Variants in ERC2 observed in about 807,000 individuals in gnomAD.
ERC2 encodes ELKS/RAB6-interacting/CAST family member 2.
In ERC2, 42 loss-of-function variants were observed where a neutral mutation model predicts 114.8. The ratio of observed to expected loss-of-function variants is 0.37; its 90% confidence interval spans 0.29 to 0.47. ERC2 has a LOEUF of 0.47. ERC2 is among the 20% of genes least tolerant of loss of function. The pLI is 0.99. For missense variants in ERC2, 939 were observed against 1,150.7 expected (o/e 0.82, Z 2.66); for synonymous variants, 454 against 425.5 (o/e 1.07, Z -0.82).
At chr3:55,975,993 G>A (rs551232888) in intron 12 of ERC2, among the ~76,000 whole-genome samples, 69 of 152,206 alleles carry the variant, frequency 4.5e-4, no homozygotes, top group Middle Eastern at 6.8e-3. Context: ...GTCACCCTGC[G>A]CCATGGGTAA....
At chr3:55,974,048 T>C (rs1220763959) in intron 12 of ERC2, among the ~76,000 whole-genome samples, 5 of 152,190 alleles carry the variant, frequency 3.3e-5, no homozygotes, top group Non-Finnish European at 7.3e-5. Flanking sequence ...CCACTCTCTC[T>C]AGCAGCCGGG....
intron 10 of ERC2, among the ~76,000 whole-genome samples, chr3:56,002,910 T>C (rs1366274282): frequency 2.0e-5 from 3 of 152,288 alleles, no homozygotes; most frequent in South Asian, 2.1e-4. Flanking sequence ...TCTTGAGTTA[T>C]TAATTTTTAA....
chr3:55,580,492 C>G (rs564712296), intron 17 of ERC2, among the ~76,000 whole-genome samples: 34 of 152,314 alleles, frequency 2.2e-4, no homozygotes, highest in Non-Finnish European at 4.0e-4. Flanking sequence ...CAAGTTGTTA[C>G]CAACTCCCAC....
intron 12 of ERC2, among the ~76,000 whole-genome samples, chr3:55,981,332 G>A (rs931625009): frequency 1.3e-5 from 2 of 152,192 alleles, no homozygotes; most frequent in Admixed American, 6.5e-5. Flanking sequence ...TTTAAAGAAG[G>A]ATATAATTTT....
At chr3:55,901,876 T>A (rs1185313642) in intron 13 of ERC2, among the ~76,000 whole-genome samples, 11 of 152,216 alleles carry the variant, frequency 7.2e-5, no homozygotes, top group Non-Finnish European at 1.5e-4. Flanking sequence ...GACTACACAC[T>A]AGGTGAAGCA....
chr3:55,852,145 G>A (rs1435429354), intron 14 of ERC2, among the ~76,000 whole-genome samples: 3 of 152,198 alleles, frequency 2.0e-5, no homozygotes, highest in Admixed American at 1.3e-4. Flanking sequence ...GCTTGTACCC[G>A]GGAGGCGGAG....
At chr3:55,552,111 G>C (rs559900123) in intron 17 of ERC2, among the ~76,000 whole-genome samples, 1 of 152,270 alleles carries the variant, frequency 6.6e-6, no homozygotes, top group African/African-American at 2.4e-5. Flanking sequence ...TGAGAAACCT[G>C]GCCTCTCAGA....
chr3:55,775,684 A>G (rs1323657135), intron 14 of ERC2, among the ~76,000 whole-genome samples: 3 of 152,176 alleles, frequency 2.0e-5, no homozygotes, highest in Non-Finnish European at 4.4e-5. Flanking sequence ...ATGAGAGAGG[A>G]TGAGACAGAA....
At chr3:56,080,064 G>C (rs936621515) in intron 7 of ERC2, among the ~76,000 whole-genome samples, 1 of 152,118 alleles carries the variant, frequency 6.6e-6, no homozygotes, top group South Asian at 2.1e-4. Context: ...TGTGAGCCTT[G>C]TATCTTCCCA....
intron 6 of ERC2, among the ~76,000 whole-genome samples, chr3:56,119,294 A>G (rs1440079707): frequency 6.6e-6 from 1 of 152,262 alleles, no homozygotes; most frequent in African/African-American, 2.4e-5. Context: ...GAGAAGCAAC[A>G]GCACTTTTGC....
intron 2 of ERC2, among the ~76,000 whole-genome samples, chr3:56,343,230 C>A (rs1235738955): frequency 1.8e-5 from 1 of 55,246 alleles, no homozygotes; most frequent in Non-Finnish European, 4.6e-5. Flanking sequence ...AGGCAATACA[C>A]ACATACACAA....
chr3:55,921,330 T>A (rs1019381642), intron 13 of ERC2, among the ~76,000 whole-genome samples: 85 of 152,000 alleles, frequency 5.6e-4, no homozygotes, highest in Non-Finnish European at 1.2e-4. Context: ...GTGTTGGTGT[T>A]TGGGGAAGAG....
At chr3:55,723,890 A>G (rs1488571888) in intron 15 of ERC2, among the ~76,000 whole-genome samples, 2 of 152,188 alleles carry the variant, frequency 1.3e-5, no homozygotes, top group East Asian at 3.8e-4. Flanking sequence ...ATCCAGCATC[A>G]GGAGGACACA....
intron 5 of ERC2, among the ~76,000 whole-genome samples, chr3:56,144,881 C>T (rs1026882232): frequency 1.3e-5 from 2 of 152,128 alleles, no homozygotes; most frequent in African/African-American, 4.8e-5. Context: ...AAAAATATCC[C>T]TTTTGCTTCT....
chr3:55,711,317 AAG>A (rs1384447958), intron 15 of ERC2, among the ~76,000 whole-genome samples: 1 of 152,204 alleles, frequency 6.6e-6, no homozygotes, highest in African/African-American at 2.4e-5. Context: ...AAGAGTACAA[AAG>A]AGTTTATAAA....
intron 17 of ERC2, among the ~76,000 whole-genome samples, chr3:55,559,664 C>T (rs575849226): frequency 1.3e-5 from 2 of 152,356 alleles, no homozygotes; most frequent in African/African-American, 4.8e-5. Flanking sequence ...CCCCATGGAG[C>T]GGCCTCAGAG....
At chr3:56,140,332 T>C (rs2080778875) in intron 5 of ERC2, among the ~76,000 whole-genome samples, 1 of 152,216 alleles carries the variant, frequency 6.6e-6, no homozygotes, top group South Asian at 2.1e-4. Context: ...GTGTTTATTA[T>C]TTCTTTGCTT....
At position 55,510,290 on chromosome 3, in the gene ERC2, AC is replaced by A. The variant is rs2051992602; in HGVS notation, c.*1025del. On this transcript the variant is annotated 3_prime_UTR_variant, in exon 18 of 18. Coordinates refer to ENST00000288221, the MANE Select transcript of ERC2 (RefSeq NM_015576.3). ...TTAAAAAAAAAAAAAAAGAGAAATG[AC>A]CCTTCATTTACAGAAAATCTAAGCT... 2 of 151,144 alleles carry A rather than the reference AC, an allele frequency of 1.3e-5. No individual in the cohort carries two copies. Among genetic ancestry groups the A allele is most frequent in the African/African-American group, 4.9e-5 (2 of 40,948 alleles). 9.4% of individuals were successfully genotyped at this position (151,144 alleles called of 1,614,324 possible).
chr3:55,688,439 A>T (rs1337370135), intron 16 of ERC2, among the ~76,000 whole-genome samples: 2 of 152,128 alleles, frequency 1.3e-5, no homozygotes, highest in African/African-American at 4.8e-5. Context: ...CAGCCTGTCT[A>T]ACCACAAAAG....
Sources: allele counts gnomAD v4.1 joint callset (sites outside exome capture counted in the v4.1 genomes callset), GRCh38; gene constraint gnomAD v4.1.1; transcripts MANE v1.5; gene names NCBI Gene and HGNC (gene_info 2026-07-23, HGNC 2026-07-21).